The following WDR41 variants were observed in gnomAD, a reference collection of about 807,000 sequenced individuals.
WDR41 encodes WD repeat-containing protein 41.
A neutral mutation model predicts 69.3 loss-of-function variants in WDR41; 63 were observed. That is an observed-to-expected ratio of 0.91 (90% CI 0.74 to 1.12). The LOEUF (loss-of-function observed/expected upper bound fraction) is 1.12. Among genes scored for constraint, WDR41 ranks in the 50% most tolerant of loss-of-function variants. The pLI is 0.00. For missense variants in WDR41, 543 were observed against 534.5 expected, an observed-to-expected ratio of 1.02 and a Z score of -0.16; for synonymous variants, 185 against 192.1, an observed-to-expected ratio of 0.96 and a Z score of 0.31.
intron 11 of WDR41, 37 bp downstream of exon 11, chr5:77,437,299 A>G: frequency 1.3e-6 from 2 of 1,548,862 alleles, no homozygotes; most frequent in South Asian, 2.2e-5. Flanking sequence ...AGAAAAAAGG[A>G]GAGAAAAAGA....
intron 1 of WDR41, among the ~76,000 whole-genome samples, chr5:77,524,707 C>T (rs913067305): frequency 5.3e-5 from 8 of 152,076 alleles, no homozygotes; most frequent in African/African-American, 1.4e-4. Context: ...GCTCTTACTT[C>T]TGCTCCCCGC....
chr5:77,558,562 C>T (rs1230023401), intron 1 of WDR41, among the ~76,000 whole-genome samples: 4 of 152,170 alleles, frequency 2.6e-5, no homozygotes, highest in Admixed American at 6.5e-5. Context: ...AATTTGAAAA[C>T]GACCTTGGAT....
chr5:77,579,288 A>G lies in WDR41; in HGVS notation c.42+41191T>C, dbSNP rs1001601602. Among the ~76,000 whole-genome samples, 7 of 152,306 alleles carry G rather than the reference A, an allele frequency of 4.6e-5. No individual in the cohort carries two copies. In the South Asian group the frequency reaches 1.4e-3, roughly 32 times the overall value. ...AATTTATTGAAAAACATTAACCTAC[A>G]TACCCAAGAAGTACAATGATTCCAA... On this transcript the variant is annotated intron_variant, in intron 1 of 5. Coordinates refer to the WDR41 transcript ENST00000509971.
At chr5:77,527,686 T>C (rs1408050487) in intron 1 of WDR41, among the ~76,000 whole-genome samples, 5 of 151,918 alleles carry the variant, frequency 3.3e-5, no homozygotes, top group Admixed American at 1.3e-4. Context: ...AAATTGAGCA[T>C]GTGTTGCAAA....
At chr5:77,505,186 A>C (rs1802086569) in intron 1 of WDR41, among the ~76,000 whole-genome samples, 1 of 152,244 alleles carries the variant, frequency 6.6e-6, no homozygotes, top group Non-Finnish European at 1.5e-5. Context: ...GTGTCTCAGG[A>C]TAAAAAATCA....
At chr5:77,553,142 C>T (rs1311298637) in intron 1 of WDR41, among the ~76,000 whole-genome samples, 1 of 152,182 alleles carries the variant, frequency 6.6e-6, no homozygotes, top group African/African-American at 2.4e-5. Flanking sequence ...AGTCATATGC[C>T]TTAGTCCTTT....
intron 8 of WDR41, 32 bp downstream of exon 8, chr5:77,449,728 C>G (rs1165095913): frequency 1.4e-6 from 2 of 1,458,792 alleles, no homozygotes; most frequent in African/African-American, 2.8e-5. Flanking sequence ...AAGCACAAAA[C>G]TGTACATAAT....
intron 9 of WDR41, among the ~76,000 whole-genome samples, chr5:77,438,719 A>G (rs2242158): frequency 0.083 from 12,646 of 152,152 alleles, 1,012 homozygotes; most frequent in African/African-American, 0.21. Context: ...AAATAACACT[A>G]TATCCTTGGG....
At chr5:77,610,835 G>A (rs1479171421) in intron 1 of WDR41, among the ~76,000 whole-genome samples, 15 of 151,556 alleles carry the variant, frequency 9.9e-5, no homozygotes, top group Non-Finnish European at 1.8e-4. Context: ...TGGACTAAAT[G>A]CTCCAATTAA....
At chr5:77,617,650 C>G (rs1744702003) in intron 1 of WDR41, among the ~76,000 whole-genome samples, 1 of 152,128 alleles carries the variant, frequency 6.6e-6, no homozygotes, top group Admixed American at 6.5e-5. Flanking sequence ...AAAATACCAT[C>G]TACGTTTTTG....
chr5:77,547,890 A>G (rs1482933634), intron 1 of WDR41, among the ~76,000 whole-genome samples: 3 of 152,184 alleles, frequency 2.0e-5, no homozygotes, highest in African/African-American at 4.8e-5. Context: ...CTATACTATA[A>G]GGCCATAGTC....
intron 1 of WDR41, among the ~76,000 whole-genome samples, chr5:77,507,006 G>T (rs1020711299): frequency 6.6e-6 from 1 of 152,250 alleles, no homozygotes; most frequent in Non-Finnish European, 1.5e-5. Context: ...TGCACGTTGT[G>T]CACATGTACC....
At chr5:77,444,778 C>G (rs1166389624) in intron 8 of WDR41, among the ~76,000 whole-genome samples, 1 of 152,186 alleles carries the variant, frequency 6.6e-6, no homozygotes. Flanking sequence ...AGACTGTCAG[C>G]AGATCATTTT....
At chr5:77,591,153 A>G (rs979794487) in intron 1 of WDR41, among the ~76,000 whole-genome samples, 1 of 152,070 alleles carries the variant, frequency 6.6e-6, no homozygotes, top group Non-Finnish European at 1.5e-5. Flanking sequence ...CTTTTGTTGA[A>G]ATTTTCAAAT....
At chr5:77,463,603 G>A (rs1314633269) in intron 3 of WDR41, among the ~76,000 whole-genome samples, 1 of 152,018 alleles carries the variant, frequency 6.6e-6, no homozygotes, top group Non-Finnish European at 1.5e-5. Context: ...ACAGTTATAA[G>A]GTCATAGAAG....
At position 77,586,518 on chromosome 5, in the gene WDR41, C is replaced by A. The variant is rs117181549; in HGVS notation, c.42+33961G>T. 9.3e-4 allele frequency among the ~76,000 whole-genome samples: 142 copies of A among 152,132 alleles called. 3 individuals carry two copies. The East Asian group carries it at 0.024, about 25-fold the overall frequency. On this transcript the variant is annotated intron_variant, in intron 1 of 5. Coordinates refer to the WDR41 transcript ENST00000509971. ...GAAAGGGTTTCACCATGTTGCCAGG[C>A]TGGTCTTGAATTCCTAGACCCAAGC... is the stretch of plus-strand genomic sequence containing the variant.
chr5:77,608,920 C>T (rs552423385), intron 1 of WDR41, among the ~76,000 whole-genome samples: 10 of 152,302 alleles, frequency 6.6e-5, no homozygotes, highest in South Asian at 2.1e-4. Context: ...GGGTGACAGA[C>T]GGCACCTGGA....
intron 9 of WDR41, among the ~76,000 whole-genome samples, chr5:77,440,223 A>C (rs1799105361): frequency 6.6e-6 from 1 of 152,224 alleles, no homozygotes; most frequent in Non-Finnish European, 1.5e-5. Context: ...ACATTTAGAA[A>C]AGTTAATTGC....
At chr5:77,617,311 A>G (rs1261018531) in intron 1 of WDR41, among the ~76,000 whole-genome samples, 2 of 152,150 alleles carry the variant, frequency 1.3e-5, no homozygotes, top group Admixed American at 1.3e-4. Flanking sequence ...AAAGACTTCC[A>G]TTTGTTGTGT....
Sources: gnomAD v4.1 joint callset for allele counts (sites outside exome capture counted in the v4.1 genomes callset) on GRCh38, gnomAD v4.1.1 for gene constraint, MANE v1.5 for transcripts, NCBI Gene and HGNC (gene_info 2026-07-23, HGNC 2026-07-21) for gene names.